The following DNAJC5B variants were observed in gnomAD, a reference collection of about 807,000 sequenced individuals.
DNAJC5B encodes the protein dnaJ homolog subfamily C member 5B.
DNAJC5B carries 23 observed loss-of-function variants against 24.7 expected under a neutral mutation model. The ratio of observed to expected loss-of-function variants is 0.93; its 90% CI spans 0.67 to 1.32. DNAJC5B has a LOEUF of 1.32. Among genes scored for constraint, DNAJC5B ranks in the 40% most tolerant of loss-of-function variants. The pLI is 0.00. For missense variants in DNAJC5B, 238 were observed against 240.8 expected (o/e 0.99, Z 0.08); for synonymous variants, 101 against 90.1 (o/e 1.12, Z -0.68).
chr8:66,077,841 C>T (rs1462931499), intron 4 of DNAJC5B, among the ~76,000 whole-genome samples: 1 of 152,178 alleles, frequency 6.6e-6, no homozygotes, highest in African/African-American at 2.4e-5. Flanking sequence ...TACTATAGTC[C>T]TCAGAGTTCT....
At chr8:66,018,009 A>T (rs997538863), upstream of DNAJC5B, among the ~76,000 whole-genome samples, 1 of 152,202 alleles carries the variant, frequency 6.6e-6, no homozygotes, top group African/African-American at 2.4e-5. Flanking sequence ...AGGCCTTTGG[A>T]AATGCTTTTA....
intron 5 of DNAJC5B, among the ~76,000 whole-genome samples, chr8:66,092,564 A>C (rs1213898576): frequency 6.6e-6 from 1 of 152,086 alleles, no homozygotes; most frequent in Non-Finnish European, 1.5e-5. Flanking sequence ...GTATGACCTG[A>C]GTTTCTACCT....
intron 3 of DNAJC5B, among the ~76,000 whole-genome samples, chr8:66,058,376 G>A (rs1044385032): frequency 6.6e-6 from 1 of 152,156 alleles, no homozygotes; most frequent in African/African-American, 2.4e-5. Context: ...AACAATCTTG[G>A]TTCCTGATCC....
At chr8:66,039,303 T>TTCC (rs1806556054) in intron 1 of DNAJC5B, among the ~76,000 whole-genome samples, 1 of 151,952 alleles carries the variant, frequency 6.6e-6, no homozygotes, top group South Asian at 2.1e-4. Context: ...CAATCTTAAA[T>TTCC]TCCTCCTCTA....
At position 66,060,443 on chromosome 8, in the gene DNAJC5B, C is replaced by CTT. The variant is rs1428256776; in HGVS notation, c.119+8778_119+8779insTT. Reference sequence around the variant, plus strand: ...CTCTGGGACTTCTGGGAGGCCACTGCTACCAGCTTTCCAAACACATCCTGA... The same window carrying CTT: ...CTCTGGGACTTCTGGGAGGCCACTGCTTTACCAGCTTTCCAAACACATCCTGA... On this transcript the variant is annotated intron_variant, in intron 3 of 5. Coordinates refer to ENST00000276570, the MANE Select transcript of DNAJC5B (RefSeq NM_033105.6). Among the ~76,000 whole-genome samples, 165 of 152,352 alleles carry CTT rather than the reference C, an allele frequency of 1.1e-3. 2 individuals are homozygous for CTT. The South Asian group carries it at 0.033, about 31-fold the overall frequency.
chr8:66,022,193 C>T (rs1407479076), intron 1 of DNAJC5B, among the ~76,000 whole-genome samples: 3 of 152,076 alleles, frequency 2.0e-5, no homozygotes, highest in African/African-American at 4.8e-5. Flanking sequence ...TATACCGGAC[C>T]CCCCACCCCG....
intron 2 of DNAJC5B, among the ~76,000 whole-genome samples, chr8:66,044,359 C>G (rs532168406): frequency 2.6e-5 from 4 of 152,170 alleles, no homozygotes; most frequent in Non-Finnish European, 5.9e-5. Context: ...ATGATCTAAT[C>G]TCCTCTGCCC....
Position 66,100,168 on chromosome 8 carries a change from G to A in DNAJC5B, c.*137G>A. The A allele has an allele frequency of 3.0e-6, 2 of 668,226 alleles. No homozygotes were observed. The highest frequency in any genetic ancestry group is 4.9e-6 in the Non-Finnish European group (2 of 407,542). The allele number at this position is 668,226 out of a possible 1,614,324, so 41.4% of individuals were successfully genotyped here. ...TTTTATTTTTGGGTTAGGAAAACAT[G>A]ATTGCTATATAATTTTCTCAGTATG... On this transcript the variant is annotated 3_prime_UTR_variant, in exon 6 of 6. Coordinates refer to ENST00000276570, the MANE Select transcript of DNAJC5B (RefSeq NM_033105.6).
At chr8:66,032,155 G>A (rs1326939892) in intron 1 of DNAJC5B, among the ~76,000 whole-genome samples, 1 of 152,242 alleles carries the variant, frequency 6.6e-6, no homozygotes, top group Admixed American at 6.5e-5. Flanking sequence ...TTCAACACAA[G>A]TCTAAAACAC....
At chr8:66,024,733 A>G (rs1255838817) in intron 1 of DNAJC5B, among the ~76,000 whole-genome samples, 1 of 20,834 alleles carries the variant, frequency 4.8e-5, no homozygotes, top group Non-Finnish European at 8.2e-5. Context: ...AATTTCATCC[A>G]TGTCCCTACA....
chr8:66,042,544 G>T (rs911227051), intron 1 of DNAJC5B, among the ~76,000 whole-genome samples: 4 of 152,104 alleles, frequency 2.6e-5, no homozygotes, highest in African/African-American at 9.7e-5. Context: ...CTGAAGTCAT[G>T]CTGGAACTTG....
chr8:66,095,945 C>T (rs564948635), intron 5 of DNAJC5B, among the ~76,000 whole-genome samples: 2 of 152,206 alleles, frequency 1.3e-5, no homozygotes, highest in African/African-American at 4.8e-5. Flanking sequence ...TATAAATGTT[C>T]CACATTGCTT....
chr8:66,095,902 A>T (rs1807942902), intron 5 of DNAJC5B, among the ~76,000 whole-genome samples: 1 of 152,106 alleles, frequency 6.6e-6, no homozygotes, highest in South Asian at 2.1e-4. Context: ...ATGTCTTAGG[A>T]CTTGCTGTAC....
chr8:66,075,814 T>G lies in DNAJC5B; in HGVS notation c.120-846T>G, dbSNP rs568716583. On this transcript the variant is annotated intron_variant, in intron 3 of 5. Transcript: ENST00000276570. ...CTAAAATAGATGTGATTTGTTCCAT[T>G]TATCATGTAGATTGATTTATAAGGT... Among the ~76,000 whole-genome samples the G allele has an allele frequency of 7.7e-4, 117 of 152,348 alleles. 1 individual carries two copies. Among genetic ancestry groups the G allele is most frequent in the African/African-American group, 2.6e-3 (108 of 41,586 alleles).
chr8:66,037,960 G>C (rs1806524784), intron 1 of DNAJC5B, among the ~76,000 whole-genome samples: 1 of 152,216 alleles, frequency 6.6e-6, no homozygotes, highest in Admixed American at 6.5e-5. Context: ...GATCTGCTTG[G>C]TGCAGTGGGC....
intron 2 of DNAJC5B, among the ~76,000 whole-genome samples, chr8:66,046,526 ATATG>A (rs1806726595): frequency 6.6e-6 from 1 of 152,262 alleles, no homozygotes; most frequent in African/African-American, 2.4e-5. Flanking sequence ...GTGTTATTCA[ATATG>A]ACACTCCAGT....
chr8:66,047,371 C>T (rs1448026147), intron 2 of DNAJC5B, among the ~76,000 whole-genome samples: 1 of 152,228 alleles, frequency 6.6e-6, no homozygotes, highest in African/African-American at 2.4e-5. Flanking sequence ...AAGAACCTGA[C>T]ACTGTCAGTT....
chr8:66,055,373 G>A (rs1257322316), intron 3 of DNAJC5B, among the ~76,000 whole-genome samples: 3 of 152,150 alleles, frequency 2.0e-5, no homozygotes, highest in African/African-American at 4.8e-5. Context: ...TTAAAAGTCA[G>A]TGAAATTTAA....
At chr8:66,017,630 TAGTC>T (rs1421008334), upstream of DNAJC5B, among the ~76,000 whole-genome samples, 13 of 152,362 alleles carry the variant, frequency 8.5e-5, no homozygotes, top group East Asian at 1.5e-3. Context: ...CTCTAGCACT[TAGTC>T]AGTTTATATG....
Sources: allele counts gnomAD v4.1 joint callset (sites outside exome capture counted in the v4.1 genomes callset), GRCh38; gene constraint gnomAD v4.1.1; transcripts MANE v1.5; gene names NCBI Gene and HGNC (gene_info 2026-07-23, HGNC 2026-07-21).